Variants in RAP1A observed in about 807,000 individuals in gnomAD.
RAP1A encodes ras-related protein Rap-1A.
Under a neutral mutation model 26.4 loss-of-function variants are expected in RAP1A, and 6 were observed. The ratio of observed to expected loss-of-function variants is 0.23; its 90% CI spans 0.12 to 0.45. The LOEUF (loss-of-function observed/expected upper bound fraction) is 0.45. Ranked by LOEUF, RAP1A falls within the 20% of genes least tolerant of loss-of-function variation. The pLI, the probability that RAP1A is intolerant of heterozygous loss-of-function variation, is 0.99. For missense variants in RAP1A, 121 were observed against 217.2 expected, an observed-to-expected ratio of 0.56 and a Z score of 2.78; for synonymous variants, 73 against 79.4, an observed-to-expected ratio of 0.92 and a Z score of 0.43.
At chr1:111,633,160 A>G (rs1314263357) in intron 1 of RAP1A, among the ~76,000 whole-genome samples, 1 of 152,166 alleles carries the variant, frequency 6.6e-6, no homozygotes, top group Non-Finnish European at 1.5e-5. Context: ...TCTATAAAAG[A>G]TAACTTTATG....
At chr1:111,563,964 G>A in intron 1 of RAP1A, 3 of 1,603,888 alleles carry the variant, frequency 1.9e-6, no homozygotes, top group Non-Finnish European at 8.5e-7. Context: ...GGTCCAACTG[G>A]TGGTCTCTAC....
At chr1:111,705,930 G>T (rs1662176319) in intron 6 of RAP1A, among the ~76,000 whole-genome samples, 1 of 152,156 alleles carries the variant, frequency 6.6e-6, no homozygotes, top group African/African-American at 2.4e-5. Flanking sequence ...CTCCGGTGGG[G>T]CTGGGTTGGG....
chr1:111,602,794 G>GA (rs1658696789), intron 1 of RAP1A, among the ~76,000 whole-genome samples: 1 of 151,666 alleles, frequency 6.6e-6, no homozygotes, highest in African/African-American at 2.4e-5. Flanking sequence ...AAGACCTCAG[G>GA]AAAATCTACC....
chr1:111,589,693 GT>G (rs1658434743), intron 1 of RAP1A, among the ~76,000 whole-genome samples: 1 of 151,950 alleles, frequency 6.6e-6, no homozygotes, highest in African/African-American at 2.4e-5. Flanking sequence ...ATCACATCCA[GT>G]TTTATGTATT....
chr1:111,548,784 G>A (rs1657136442), intron 1 of RAP1A, among the ~76,000 whole-genome samples: 1 of 152,108 alleles, frequency 6.6e-6, no homozygotes, highest in Non-Finnish European at 1.5e-5. Flanking sequence ...TAAACTTTTT[G>A]TAAAGCACCA....
At chr1:111,579,256 C>G (rs1361790055) in intron 1 of RAP1A, among the ~76,000 whole-genome samples, 1 of 152,164 alleles carries the variant, frequency 6.6e-6, no homozygotes, top group Non-Finnish European at 1.5e-5. Context: ...CTGAGACTAA[C>G]TAGGGCCCCC....
intron 1 of RAP1A, among the ~76,000 whole-genome samples, chr1:111,555,716 A>G (rs1037719846): frequency 1.3e-5 from 2 of 152,196 alleles, no homozygotes; most frequent in Non-Finnish European, 2.9e-5. Context: ...TAATAACAAA[A>G]GAATAAAGTT....
chr1:111,688,307 A>AT (rs1176142752), intron 1 of RAP1A, among the ~76,000 whole-genome samples: 1 of 124,130 alleles, frequency 8.1e-6, no homozygotes, highest in Non-Finnish European at 1.7e-5. Flanking sequence ...GTGTATATAT[A>AT]TTTTTTTCTT....
At chr1:111,662,134 G>T (rs1006867027) in intron 1 of RAP1A, among the ~76,000 whole-genome samples, 3 of 152,034 alleles carry the variant, frequency 2.0e-5, no homozygotes, top group African/African-American at 7.2e-5. Context: ...GGTGGCTCAC[G>T]CCTGTAATCC....
intron 1 of RAP1A, among the ~76,000 whole-genome samples, chr1:111,587,130 C>T (rs1658380893): frequency 6.6e-6 from 1 of 152,070 alleles, no homozygotes. Context: ...ACATCCCATC[C>T]CTGCATATCG....
intron 1 of RAP1A, among the ~76,000 whole-genome samples, chr1:111,607,027 ATTTATTTATTTT>A (rs1428706964): frequency 1.3e-5 from 2 of 149,146 alleles, no homozygotes; most frequent in African/African-American, 5.1e-5. Context: ...TTATTTATTT[ATTTATTTATTTT>A]TATTGATTAT....
At chr1:111,635,548 GTTTCTTTGT>G (rs1020296738) in intron 1 of RAP1A, among the ~76,000 whole-genome samples, 3 of 152,056 alleles carry the variant, frequency 2.0e-5, no homozygotes, top group Admixed American at 1.3e-4. Flanking sequence ...TGGGATTGAT[GTTTCTTTGT>G]TTTCTTTGTG....
chr1:111,662,483 G>A (rs943004950), intron 1 of RAP1A, among the ~76,000 whole-genome samples: 1 of 151,982 alleles, frequency 6.6e-6, no homozygotes, highest in Non-Finnish European at 1.5e-5. Context: ...TGTCTAGGGG[G>A]TGTTATTTCT....
At chr1:111,690,224 A>AAG (rs1177139464) in intron 1 of RAP1A, among the ~76,000 whole-genome samples, 2 of 152,342 alleles carry the variant, frequency 1.3e-5, no homozygotes, top group Admixed American at 6.5e-5. Flanking sequence ...CTACTAAGAT[A>AAG]AGAGTCTTTT....
At chr1:111,671,479 CT>C (rs987067756) in intron 1 of RAP1A, among the ~76,000 whole-genome samples, 1 of 147,010 alleles carries the variant, frequency 6.8e-6, no homozygotes, top group South Asian at 2.1e-4. Context: ...TTCTTTCTTT[CT>C]TTTTTTTTGT....
At chr1:111,590,873 T>C (rs948287324) in intron 1 of RAP1A, among the ~76,000 whole-genome samples, 8 of 152,224 alleles carry the variant, frequency 5.3e-5, no homozygotes, top group African/African-American at 1.4e-4. Context: ...CCTTGTCTGG[T>C]TTGGTATCAA....
intron 1 of RAP1A, among the ~76,000 whole-genome samples, chr1:111,564,950 A>C (rs1657884183): frequency 6.6e-6 from 1 of 152,204 alleles, no homozygotes; most frequent in African/African-American, 2.4e-5. Flanking sequence ...TAACATGCCA[A>C]ATGGTGATGG....
chr1:111,691,357 C>T lies in RAP1A; in HGVS notation c.-4C>T. The T allele has an allele frequency of 6.2e-7, 1 of 1,612,894 alleles. No individual in the cohort carries two copies. Among genetic ancestry groups the T allele is most frequent in the Non-Finnish European group, 8.5e-7 (1 of 1,179,036 alleles). On this transcript the variant is annotated 5_prime_UTR_variant, in exon 2 of 8. Transcript: ENST00000369709. Reference sequence around the variant, plus strand: ...AGATCGTCAGTATTTAAACAGATCACATCATGCGTGAGTACAAGCTAGTGG... The same window carrying T: ...AGATCGTCAGTATTTAAACAGATCATATCATGCGTGAGTACAAGCTAGTGG...
At chr1:111,655,420 A>G (rs1402171769) in intron 1 of RAP1A, among the ~76,000 whole-genome samples, 1 of 152,200 alleles carries the variant, frequency 6.6e-6, no homozygotes, top group Admixed American at 6.5e-5. Context: ...GATAAATGAA[A>G]AAGAATACGC....
Sources: gnomAD v4.1 joint callset for allele counts (sites outside exome capture counted in the v4.1 genomes callset) on GRCh38, gnomAD v4.1.1 for gene constraint, MANE v1.5 for transcripts, NCBI Gene and HGNC (gene_info 2026-07-23, HGNC 2026-07-21) for gene names.